DIAPH3: variants seen among roughly 807,000 people sequenced by gnomAD.
DIAPH3 encodes the protein diaphanous related formin 3.
In DIAPH3, 117 loss-of-function variants were observed where a neutral mutation model predicts 144.3. The observed-to-expected ratio is 0.81, with a 90% CI of 0.70 to 0.95. The LOEUF is 0.95. DIAPH3 is among the 40% of genes least tolerant of loss of function. The probability of loss-of-function intolerance (pLI) is 0.00; values close to 1 mark genes in which losing one functional copy is unlikely to be tolerated. For missense variants in DIAPH3, 1,421 were observed against 1,412.7 expected (o/e 1.01, Z -0.09); for synonymous variants, 519 against 488.9 (o/e 1.06, Z -0.81).
In DIAPH3 at chr13:59,881,360, T is replaced by C. The variant is rs527276727; in HGVS notation, c.2368-1892A>G. Among the ~76,000 whole-genome samples the C allele has an allele frequency of 1.8e-4, 27 of 152,272 alleles. No homozygotes were observed. In the East Asian group the frequency reaches 3.7e-3, roughly 21 times the overall value. On this transcript the variant is annotated intron_variant, in intron 20 of 27. Coordinates refer to ENST00000400324, the MANE Select transcript of DIAPH3 (RefSeq NM_001042517.2). ...ATTCTGAAGGTGTATAATGGGCTCA[T>C]AGCATCGCTGTTTTCAGTAAGTGCC...
chr13:60,020,503 G>T (rs1379901716), intron 5 of DIAPH3, among the ~76,000 whole-genome samples: 1 of 152,114 alleles, frequency 6.6e-6, no homozygotes, highest in Non-Finnish European at 1.5e-5. Flanking sequence ...TAGTAACTGG[G>T]ACTACAAGCA....
chr13:60,084,523 T>C (rs1325640762), intron 4 of DIAPH3, among the ~76,000 whole-genome samples: 2 of 151,274 alleles, frequency 1.3e-5, no homozygotes. Context: ...AATACGAGAG[T>C]ATAACAAAGT....
chr13:59,952,283 GT>G (rs1244318755), intron 17 of DIAPH3, among the ~76,000 whole-genome samples: 1 of 152,070 alleles, frequency 6.6e-6, no homozygotes, highest in Non-Finnish European at 1.5e-5. Flanking sequence ...GGGGTCCAGG[GT>G]TTTACTTTGG....
In DIAPH3 at chr13:59,772,445, C is replaced by T. The variant is rs374336172; in HGVS notation, c.3319+1744G>A. On this transcript the variant is annotated intron_variant, in intron 27 of 27. Coordinates refer to ENST00000400324, the MANE Select transcript of DIAPH3 (RefSeq NM_001042517.2). ...TTTGAACTTTGTGATATATCTTGTTCGGCTTGCTGTATAATCTACTAGCTT... is the reference window on the plus strand; with the variant it reads ...TTTGAACTTTGTGATATATCTTGTTTGGCTTGCTGTATAATCTACTAGCTT... Among the ~76,000 whole-genome samples the T allele has an allele frequency of 1.3e-3, 191 of 152,110 alleles. 1 individual carries two copies. Among genetic ancestry groups the T allele is most frequent in the African/African-American group, 4.3e-3 (179 of 41,542 alleles).
chr13:59,907,599 C>G (rs551487776), intron 20 of DIAPH3, among the ~76,000 whole-genome samples: 2 of 152,256 alleles, frequency 1.3e-5, no homozygotes, highest in Admixed American at 6.5e-5. Context: ...AGCCAACTTA[C>G]GACCACATGT....
At chr13:59,991,765 C>G (rs944009931) in intron 11 of DIAPH3, among the ~76,000 whole-genome samples, 1 of 151,794 alleles carries the variant, frequency 6.6e-6, no homozygotes, top group Non-Finnish European at 1.5e-5. Flanking sequence ...CTGCCCTATT[C>G]CTAATGCTAA....
At chr13:59,924,752 T>G in intron 18 of DIAPH3, 23 bp downstream of exon 18, 1 of 1,594,048 alleles carries the variant, frequency 6.3e-7, no homozygotes, top group Middle Eastern at 1.8e-4. Flanking sequence ...TGTCTTTGAA[T>G]GGTATTGGAA....
intron 18 of DIAPH3, among the ~76,000 whole-genome samples, chr13:59,924,420 AG>A (rs765681798): frequency 2.7e-4 from 41 of 152,130 alleles, no homozygotes; most frequent in Non-Finnish European, 4.7e-4. Flanking sequence ...GAGTTATAAA[AG>A]AAGCAATACA....
At chr13:59,733,779 C>T (rs1442265769) in intron 27 of DIAPH3, among the ~76,000 whole-genome samples, 2 of 152,334 alleles carry the variant, frequency 1.3e-5, no homozygotes, top group African/African-American at 4.8e-5. Flanking sequence ...CTCTTCAGCA[C>T]CCATCACCAC....
At chr13:59,809,579 C>T (rs1302614689) in intron 25 of DIAPH3, among the ~76,000 whole-genome samples, 1 of 150,980 alleles carries the variant, frequency 6.6e-6, no homozygotes, top group Non-Finnish European at 1.5e-5. Context: ...ATTTAAAATT[C>T]TTTCCAGAAG....
chr13:59,816,869 A>G (rs912816363), intron 24 of DIAPH3, among the ~76,000 whole-genome samples: 9 of 151,888 alleles, frequency 5.9e-5, no homozygotes, highest in African/African-American at 2.2e-4. Context: ...TATTCTCTTA[A>G]GCACATATGG....
At chr13:59,854,852 T>G (rs1050695488) in intron 22 of DIAPH3, among the ~76,000 whole-genome samples, 2 of 152,284 alleles carry the variant, frequency 1.3e-5, no homozygotes, top group South Asian at 4.1e-4. Context: ...AGATTAATGA[T>G]GTATTGATGA....
At chr13:60,052,073 G>A (rs1388519098) in intron 4 of DIAPH3, among the ~76,000 whole-genome samples, 2 of 152,122 alleles carry the variant, frequency 1.3e-5, no homozygotes, top group East Asian at 1.9e-4. Context: ...GGGCAATTTA[G>A]TTTAACCAAG....
intron 14 of DIAPH3, among the ~76,000 whole-genome samples, chr13:59,980,399 T>C (rs796740750): frequency 7.3e-5 from 11 of 151,686 alleles, no homozygotes; most frequent in African/African-American, 2.7e-4. Flanking sequence ...TGCTCCATCA[T>C]CCACTCATTC....
intron 24 of DIAPH3, among the ~76,000 whole-genome samples, chr13:59,827,924 A>G (rs985397794): frequency 5.3e-5 from 8 of 152,060 alleles, no homozygotes; most frequent in African/African-American, 1.7e-4. Context: ...CAAAAATTCC[A>G]TGAGCTCAAT....
chr13:59,961,757 T>G (rs915671334), intron 17 of DIAPH3, among the ~76,000 whole-genome samples: 1 of 152,206 alleles, frequency 6.6e-6, no homozygotes, highest in African/African-American at 2.4e-5. Context: ...TAGCTGAAAT[T>G]CACCGAAGAA....
At chr13:59,808,001 T>C (rs2040280836) in intron 25 of DIAPH3, among the ~76,000 whole-genome samples, 1 of 151,848 alleles carries the variant, frequency 6.6e-6, no homozygotes, top group African/African-American at 2.4e-5. Flanking sequence ...TTAAAACCTA[T>C]ATATCAAATA....
At chr13:59,754,319 A>C (rs1433100674) in intron 27 of DIAPH3, among the ~76,000 whole-genome samples, 1 of 152,198 alleles carries the variant, frequency 6.6e-6, no homozygotes, top group East Asian at 1.9e-4. Context: ...CAAGTTACTT[A>C]ACTTTTCTAA....
rs35387511 is a variant in DIAPH3, at chr13:59,762,052, C to CTTTTTTT, written c.3319+12130_3319+12136dup. On this transcript the variant is annotated intron_variant, in intron 27 of 27. Transcript: ENST00000400324. ...GCACCCAAGATGAAAGCGTCAGCAT[C>CTTTTTTT]TTTTTTTTTTTTTTTTTTTTTTTTT... Among the ~76,000 whole-genome samples, 74 of 59,516 alleles carry CTTTTTTT rather than the reference C, an allele frequency of 1.2e-3. 2 individuals are homozygous for CTTTTTTT. The highest frequency in any genetic ancestry group is 0.01 in the East Asian group (20 of 1,946). 39.0% of individuals were successfully genotyped at this position (59,516 alleles called of 152,430 possible).
Sources: gnomAD v4.1 joint callset for allele counts (sites outside exome capture counted in the v4.1 genomes callset) on GRCh38, gnomAD v4.1.1 for gene constraint, MANE v1.5 for transcripts, NCBI Gene and HGNC (gene_info 2026-07-23, HGNC 2026-07-21) for gene names.